Variants in CACNA1A observed in about 807,000 individuals in gnomAD.
CACNA1A encodes the protein calcium voltage-gated channel subunit alpha1 A.
In CACNA1A, 57 loss-of-function variants were observed where a neutral mutation model predicts 262.4. The observed-to-expected ratio is 0.22, with a 90% CI of 0.18 to 0.27. The LOEUF (loss-of-function observed/expected upper bound fraction) is 0.27. CACNA1A is among the 10% of genes least tolerant of loss of function. The pLI is 1.00. For missense variants in CACNA1A, 2,526 were observed against 3,562.8 expected, an observed-to-expected ratio of 0.71 and a Z score of 7.41; for synonymous variants, 1,431 against 1,419.3, an observed-to-expected ratio of 1.01 and a Z score of -0.18.
intron 3 of CACNA1A, among the ~76,000 whole-genome samples, chr19:13,380,816 T>A (rs2059512250): frequency 1.3e-5 from 2 of 151,486 alleles, no homozygotes; most frequent in Admixed American, 1.3e-4. Flanking sequence ...CCCTGTTGTC[T>A]AGGCTGGAGT....
chr19:13,483,632 G>A (rs1979637857), intron 1 of CACNA1A, among the ~76,000 whole-genome samples: 2 of 152,186 alleles, frequency 1.3e-5, no homozygotes, highest in Admixed American at 6.5e-5. Flanking sequence ...TGGGCAGACT[G>A]GAGGGCTGGA....
intron 3 of CACNA1A, among the ~76,000 whole-genome samples, chr19:13,375,919 C>G (rs2059397860): frequency 6.6e-6 from 1 of 152,186 alleles, no homozygotes; most frequent in Non-Finnish European, 1.5e-5. Flanking sequence ...GAAAGTAAGA[C>G]AGGCTTCTTG....
intron 3 of CACNA1A, among the ~76,000 whole-genome samples, chr19:13,402,819 TACAC>T (rs1412405375): frequency 2.2e-5 from 3 of 134,654 alleles, no homozygotes; most frequent in African/African-American, 8.2e-5. Context: ...TATACATATA[TACAC>T]ACATATATAT....
intron 5 of CACNA1A, among the ~76,000 whole-genome samples, chr19:13,361,615 G>C (rs1277984915): frequency 1.3e-5 from 2 of 152,210 alleles, no homozygotes; most frequent in Non-Finnish European, 2.9e-5. Context: ...TGAGCACACA[G>C]CAGAGGGAAA....
intron 1 of CACNA1A, among the ~76,000 whole-genome samples, chr19:13,483,556 G>A (rs1370065444): frequency 6.6e-6 from 1 of 152,100 alleles, no homozygotes; most frequent in African/African-American, 2.4e-5. Flanking sequence ...AAGCAAGAAA[G>A]CATTTGCTGA....
intron 18 of CACNA1A, among the ~76,000 whole-genome samples, chr19:13,299,665 G>T (rs2057747913): frequency 6.6e-6 from 1 of 152,090 alleles, no homozygotes; most frequent in East Asian, 1.9e-4. Context: ...AGTCACACAG[G>T]CCTCCTTCAC....
At chr19:13,377,842 T>C (rs1273302848) in intron 3 of CACNA1A, among the ~76,000 whole-genome samples, 4 of 152,158 alleles carry the variant, frequency 2.6e-5, no homozygotes, top group African/African-American at 9.6e-5. Context: ...ATTAGGAACA[T>C]TTGTGGCTGT....
chr19:13,304,312 A>C (rs572521574), intron 15 of CACNA1A, among the ~76,000 whole-genome samples: 122 of 152,042 alleles, frequency 8.0e-4, no homozygotes, highest in Non-Finnish European at 1.4e-3. Flanking sequence ...GGGGGACTTC[A>C]TGATGGTATT....
At chr19:13,441,437 C>A (rs117302011) in intron 3 of CACNA1A, among the ~76,000 whole-genome samples, 1 of 151,968 alleles carries the variant, frequency 6.6e-6, no homozygotes, top group East Asian at 1.9e-4. Context: ...GAGGCCAAGG[C>A]GAGTGGATCA....
chr19:13,259,374 G>T (rs1482035264), intron 27 of CACNA1A, 190 bp downstream of exon 27: 2 of 131,132 alleles, frequency 1.5e-5, no homozygotes, highest in East Asian at 1.4e-4. Context: ...GTTTTGCCAT[G>T]ATGGCCAGGC....
intron 3 of CACNA1A, among the ~76,000 whole-genome samples, chr19:13,429,531 C>CAAAAAAA (rs35308275): frequency 1.7e-5 from 1 of 57,212 alleles, no homozygotes; most frequent in Non-Finnish European, 3.8e-5. Flanking sequence ...TCAAAGCGTC[C>CAAAAAAA]AAAAAAAAAA....
intron 1 of CACNA1A, among the ~76,000 whole-genome samples, chr19:13,469,076 G>C (rs1443718467): frequency 1.3e-5 from 2 of 152,078 alleles, no homozygotes; most frequent in South Asian, 2.1e-4. Context: ...GTGTAGCCAA[G>C]AAGGCCCCCA....
At chr19:13,384,116 G>A (rs372949255) in intron 3 of CACNA1A, among the ~76,000 whole-genome samples, 2 of 152,110 alleles carry the variant, frequency 1.3e-5, no homozygotes, top group African/African-American at 4.8e-5. Context: ...ATGCCTGGCC[G>A]TACTGTTTAT....
chr19:13,208,143 A>T, intron 46 of CACNA1A, 90 bp from the exon 47 acceptor site: 2 of 359,834 alleles, frequency 5.6e-6, no homozygotes, highest in Non-Finnish European at 7.2e-6. Flanking sequence ...AGGGGAGCGA[A>T]GGGAGAGGGG....
chr19:13,426,163 G>C (rs1008580110), intron 3 of CACNA1A, among the ~76,000 whole-genome samples: 1 of 152,014 alleles, frequency 6.6e-6, no homozygotes, highest in Non-Finnish European at 1.5e-5. Context: ...GGAATCACAG[G>C]AAACAAGAGA....
At chr19:13,428,798 C>T (rs143172490) in intron 3 of CACNA1A, among the ~76,000 whole-genome samples, 1 of 152,092 alleles carries the variant, frequency 6.6e-6, no homozygotes, top group Non-Finnish European at 1.5e-5. Context: ...ATCACGTAGA[C>T]CCCGAGAGCC....
At chr19:13,490,485 C>G (rs974289254) in intron 1 of CACNA1A, among the ~76,000 whole-genome samples, 1 of 152,068 alleles carries the variant, frequency 6.6e-6, no homozygotes, top group East Asian at 1.9e-4. Context: ...TGCCTGTAGT[C>G]CCAGCCACTT....
chr19:13,398,199 T>C (rs774975555), intron 3 of CACNA1A, among the ~76,000 whole-genome samples: 6 of 151,606 alleles, frequency 4.0e-5, no homozygotes, highest in Non-Finnish European at 7.4e-5. Flanking sequence ...GAGGTGGAGG[T>C]TGCAGTGAGC....
chr19:13,376,876 A>T (rs1281649608), intron 3 of CACNA1A, among the ~76,000 whole-genome samples: 1 of 141,904 alleles, frequency 7.0e-6, no homozygotes, highest in African/African-American at 2.5e-5. Context: ...TGATATATAT[A>T]ACACATGATA....
Sources: gnomAD v4.1 joint callset for allele counts (sites outside exome capture counted in the v4.1 genomes callset) on GRCh38, gnomAD v4.1.1 for gene constraint, MANE v1.5 for transcripts, NCBI Gene and HGNC (gene_info 2026-07-23, HGNC 2026-07-21) for gene names.